ABCB5: variants seen among roughly 807,000 people sequenced by gnomAD.
ABCB5 encodes the protein ATP binding cassette subfamily B member 5, also known as ATP-binding cassette sub-family B member 5.
A neutral mutation model predicts 144.2 loss-of-function variants in ABCB5; 155 were observed. The observed-to-expected ratio is 1.08, with a 90% confidence interval of 0.94 to 1.23. The LOEUF (loss-of-function observed/expected upper bound fraction) is 1.23, where lower values mean the gene tolerates loss of function less well. ABCB5 is among the 50% of genes most tolerant of loss of function. The probability of loss-of-function intolerance (pLI) is 0.00; values close to 1 mark genes in which losing one functional copy is unlikely to be tolerated. For synonymous variants in ABCB5, 610 were observed against 528.6 expected (o/e 1.15, Z -2.11); for missense variants, 1,830 against 1,520.8 (o/e 1.20, Z -3.38).
chr7:20,720,481 A>G (rs1177997856), intron 20 of ABCB5, among the ~76,000 whole-genome samples: 1 of 152,200 alleles, frequency 6.6e-6, no homozygotes, highest in Admixed American at 6.5e-5. Flanking sequence ...GGGACCAATC[A>G]AAACTGCGTG....
intron 16 of ABCB5, among the ~76,000 whole-genome samples, chr7:20,691,139 G>C (rs1047152926): frequency 6.8e-6 from 1 of 147,802 alleles, no homozygotes; most frequent in Non-Finnish European, 1.5e-5. Context: ...TCGGAGCCTA[G>C]AGGGAAAACA....
chr7:20,711,790 T>TTCTCTCTCTCTCTCTCTCTC (rs1334192971), intron 20 of ABCB5, among the ~76,000 whole-genome samples: 4 of 46,040 alleles, frequency 8.7e-5, no homozygotes, highest in African/African-American at 1.0e-4. Flanking sequence ...CTTTCTTTCT[T>TTCTCTCTCTCTCTCTCTCTC]TCTTTCTTTC....
At chr7:20,642,930 G>A (rs535550104) in intron 5 of ABCB5, among the ~76,000 whole-genome samples, 1 of 152,176 alleles carries the variant, frequency 6.6e-6, no homozygotes, top group East Asian at 1.9e-4. Context: ...TAAAAATACT[G>A]AAAGAAGATA....
At chr7:20,634,541 T>C (rs1189862359) in intron 5 of ABCB5, among the ~76,000 whole-genome samples, 1 of 152,084 alleles carries the variant, frequency 6.6e-6, no homozygotes, top group Non-Finnish European at 1.5e-5. Context: ...CTCCTTTCTC[T>C]GCATTCTCAC....
chr7:20,746,854 A>G (rs985343310), intron 26 of ABCB5, among the ~76,000 whole-genome samples: 16 of 152,216 alleles, frequency 1.1e-4, no homozygotes, highest in Admixed American at 3.3e-4. Context: ...TCTACATGTG[A>G]TTTTTATAAA....
chr7:20,742,965 T>A lies in ABCB5; in HGVS notation c.3113T>A (p.Leu1038His). 6.2e-7 allele frequency: 1 copy of A among 1,614,130 alleles called. No individual in the cohort carries two copies. Among genetic ancestry groups the A allele is most frequent in the Non-Finnish European group, 8.5e-7 (1 of 1,180,032 alleles). Residue 1038 changes from leucine to histidine, a missense_variant, in exon 25 of 28, where the codon CTC (leucine) becomes CAC (histidine). Physicochemically the swap from Leu to His is moderately conservative, Grantham distance 99. Coordinates refer to ENST00000404938, the MANE Select transcript of ABCB5 (RefSeq NM_001163941.2). ...GTTTTCATCCTCCGTGGCTTATCCC[T>A]CAGTATTGAGCGAGGAAAGACAGTA... ...PDVFILRGLS[L>H]SIERGKTVAF...
intron 24 of ABCB5, among the ~76,000 whole-genome samples, chr7:20,739,430 G>A (rs1782492296): frequency 6.6e-6 from 1 of 152,078 alleles, no homozygotes; most frequent in South Asian, 2.1e-4. Context: ...ATTAAATGAA[G>A]GCTGTCTTTG....
chr7:20,676,693 G>A (rs10266137), intron 14 of ABCB5, among the ~76,000 whole-genome samples: 91,785 of 151,952 alleles, frequency 0.6, 28,773 homozygotes, highest in East Asian at 0.74. Flanking sequence ...GCCTATAGTT[G>A]GCAATATTGT....
chr7:20,671,484 C>G (rs1293644644), intron 14 of ABCB5, among the ~76,000 whole-genome samples: 2 of 152,208 alleles, frequency 1.3e-5, no homozygotes, highest in African/African-American at 2.4e-5. Flanking sequence ...GCCCTCCTCC[C>G]CTGATCCTTG....
At chr7:20,712,138 G>A (rs1369741143) in intron 20 of ABCB5, among the ~76,000 whole-genome samples, 2 of 119,190 alleles carry the variant, frequency 1.7e-5, no homozygotes, top group East Asian at 5.6e-4. Context: ...TCCAGCCTGG[G>A]TGACACAGCA....
intron 14 of ABCB5, chr7:20,660,079 C>T: frequency 1.0e-6 from 1 of 985,258 alleles, no homozygotes; most frequent in Non-Finnish European, 1.2e-6. Flanking sequence ...CACTGGTAAT[C>T]ACTTTAGGTA....
At chr7:20,646,255 T>C (rs1784407500) in intron 9 of ABCB5, 117 bp downstream of exon 9, 1 of 1,006,226 alleles carries the variant, frequency 9.9e-7, no homozygotes, top group Non-Finnish European at 1.4e-6. Flanking sequence ...TAAACAAATA[T>C]TTGTTTCCCT....
At chr7:20,718,813 G>C (rs962652875) in intron 20 of ABCB5, among the ~76,000 whole-genome samples, 1 of 152,128 alleles carries the variant, frequency 6.6e-6, no homozygotes, top group African/African-American at 2.4e-5. Context: ...AATTATCCCA[G>C]ATTCAGCCAG....
At chr7:20,660,125 G>T (rs772518137) in intron 14 of ABCB5, 734 of 982,480 alleles carry the variant, frequency 7.5e-4, no homozygotes, top group Non-Finnish European at 8.5e-4. Context: ...ATAAATAGTT[G>T]CTTGGTGACA....
intron 14 of ABCB5, among the ~76,000 whole-genome samples, chr7:20,669,682 T>C (rs1280616387): frequency 8.0e-6 from 1 of 124,698 alleles, no homozygotes; most frequent in African/African-American, 3.2e-5. Flanking sequence ...CCTATGACCC[T>C]GCCAAATCCC....
intron 20 of ABCB5, 118 bp from the exon 21 acceptor site, chr7:20,722,898 A>G (rs1781918214): frequency 1.3e-6 from 1 of 746,660 alleles, no homozygotes; most frequent in Non-Finnish European, 2.2e-6. Flanking sequence ...CAAGGCATAA[A>G]TTTAAGTATA....
intron 11 of ABCB5, among the ~76,000 whole-genome samples, chr7:20,648,383 T>G (rs1327602029): frequency 1.3e-5 from 2 of 152,186 alleles, no homozygotes; most frequent in Non-Finnish European, 2.9e-5. Flanking sequence ...GGTTCCTAGA[T>G]GCTACCCCAC....
chr7:20,671,859 A>G (rs1785466363), intron 14 of ABCB5, among the ~76,000 whole-genome samples: 1 of 152,194 alleles, frequency 6.6e-6, no homozygotes, highest in African/African-American at 2.4e-5. Context: ...AAATGGCTGA[A>G]TCTTATGGTA....
At chr7:20,685,926 T>C (rs532297944) in intron 16 of ABCB5, 90 bp downstream of exon 16, 172 of 1,305,356 alleles carry the variant, frequency 1.3e-4, no homozygotes, top group Non-Finnish European at 1.7e-4. Context: ...TATAGTAAAA[T>C]ATTACTTACT....
Sources: gnomAD v4.1 joint callset for allele counts (sites outside exome capture counted in the v4.1 genomes callset) on GRCh38, gnomAD v4.1.1 for gene constraint, MANE v1.5 for transcripts, NCBI Gene and HGNC (gene_info 2026-07-23, HGNC 2026-07-21) for gene names.